GAB2: variants seen among roughly 807,000 people sequenced by gnomAD.
The protein encoded by GAB2 is GRB2-associated-binding protein 2.
In GAB2, 26 loss-of-function variants were observed where a neutral mutation model predicts 65.5. The observed-to-expected ratio is 0.40, with a 90% confidence interval of 0.29 to 0.55. The LOEUF (loss-of-function observed/expected upper bound fraction) is 0.55, where lower values mean the gene tolerates loss of function less well. Ranked by LOEUF, GAB2 falls within the 20% of genes least tolerant of loss-of-function variation. GAB2 has a pLI of 0.53. For synonymous variants in GAB2, 321 were observed against 329.6 expected, an observed-to-expected ratio of 0.97 and a Z score of 0.28; for missense variants, 884 against 875.8, an observed-to-expected ratio of 1.01 and a Z score of -0.12.
chr11:78,379,948 A>G (rs1483317967), intron 1 of GAB2, among the ~76,000 whole-genome samples: 1 of 152,238 alleles, frequency 6.6e-6, no homozygotes, highest in East Asian at 1.9e-4. Context: ...TGCACCATCA[A>G]TACTCTTGAT....
At chr11:78,409,744 T>TTA (rs1405247101) in intron 1 of GAB2, among the ~76,000 whole-genome samples, 1 of 152,138 alleles carries the variant, frequency 6.6e-6, no homozygotes, top group Non-Finnish European at 1.5e-5. Context: ...TATAAAAGAA[T>TTA]TATATATATC....
chr11:78,275,792 C>A lies in GAB2; in HGVS notation c.376+4809G>T, dbSNP rs149607864. Among the ~76,000 whole-genome samples, 218 of 152,032 alleles carry A rather than the reference C, an allele frequency of 1.4e-3. 1 individual carries two copies. The highest frequency in any genetic ancestry group is 2.9e-3 in the Non-Finnish European group (195 of 67,982). Reference sequence around the variant, plus strand: ...CACTAAAACACACACAGATATATATCTATATATCTATATCTATATATATGA... The same window carrying A: ...CACTAAAACACACACAGATATATATATATATATCTATATCTATATATATGA... On this transcript the variant is annotated intron_variant, in intron 2 of 9. Coordinates refer to ENST00000361507, the MANE Select transcript of GAB2 (RefSeq NM_080491.3).
intron 1 of GAB2, among the ~76,000 whole-genome samples, chr11:78,358,239 G>A (rs555834414): frequency 7.0e-6 from 1 of 143,506 alleles, no homozygotes; most frequent in South Asian, 2.3e-4. Flanking sequence ...GGTGGGAATT[G>A]AACAATGAGA....
chr11:78,355,981 T>A (rs1856353463), intron 1 of GAB2, among the ~76,000 whole-genome samples: 1 of 151,958 alleles, frequency 6.6e-6, no homozygotes, highest in Admixed American at 6.6e-5. Flanking sequence ...AAGACCAGAC[T>A]GGCCAACATG....
At chr11:78,219,574 A>G (rs1047339066) in intron 9 of GAB2, among the ~76,000 whole-genome samples, 159 bp from the exon 10 acceptor site, 5 of 151,908 alleles carry the variant, frequency 3.3e-5, no homozygotes, top group African/African-American at 1.2e-4. Context: ...TCTCTTTCTG[A>G]ATGTGGGCTT....
At chr11:78,240,730 C>A (rs1865110642) in intron 3 of GAB2, among the ~76,000 whole-genome samples, 4 of 151,488 alleles carry the variant, frequency 2.6e-5, no homozygotes, top group Admixed American at 1.3e-4. Flanking sequence ...GAAACCAAAC[C>A]TCCAGAACAT....
chr11:78,256,628 C>A (rs1339622296), intron 2 of GAB2, among the ~76,000 whole-genome samples: 1 of 152,162 alleles, frequency 6.6e-6, no homozygotes, highest in African/African-American at 2.4e-5. Flanking sequence ...TGTGTGGTCG[C>A]TGAGCTTTAA....
intron 2 of GAB2, among the ~76,000 whole-genome samples, chr11:78,278,627 C>A (rs1866242998): frequency 6.6e-6 from 1 of 152,102 alleles, no homozygotes; most frequent in Non-Finnish European, 1.5e-5. Context: ...GATCTGCCTG[C>A]CTCAGCCTCC....
chr11:78,275,227 C>G (rs1308818857), intron 2 of GAB2, among the ~76,000 whole-genome samples: 1 of 152,052 alleles, frequency 6.6e-6, no homozygotes, highest in Non-Finnish European at 1.5e-5. Context: ...CCTTCTGAAC[C>G]CAGCCAAGGA....
At chr11:78,268,217 A>C (rs1417371074) in intron 2 of GAB2, among the ~76,000 whole-genome samples, 3 of 152,210 alleles carry the variant, frequency 2.0e-5, no homozygotes, top group African/African-American at 7.2e-5. Context: ...CAATGCTTTA[A>C]AAAAGGTTTG....
intron 3 of GAB2, among the ~76,000 whole-genome samples, chr11:78,227,631 C>CAAAAAA (rs55716895): frequency 1.0e-3 from 109 of 106,100 alleles, no homozygotes; most frequent in African/African-American, 3.3e-3. Context: ...CCATTGCCAC[C>CAAAAAA]AAAAAAAAAA....
intron 1 of GAB2, among the ~76,000 whole-genome samples, chr11:78,394,569 G>A (rs890696797): frequency 1.3e-4 from 20 of 152,212 alleles, no homozygotes; most frequent in Admixed American, 1.2e-3. Flanking sequence ...AAAGTGTAAT[G>A]TCTTGTGAAT....
intron 1 of GAB2, among the ~76,000 whole-genome samples, chr11:78,405,737 CAAGG>C (rs1391355154): frequency 6.6e-6 from 1 of 152,088 alleles, no homozygotes. Flanking sequence ...CCCTGGAACC[CAAGG>C]AATGACACAG....
chr11:78,402,799 T>G (rs1856991719), intron 1 of GAB2, among the ~76,000 whole-genome samples: 1 of 152,062 alleles, frequency 6.6e-6, no homozygotes, highest in African/African-American at 2.4e-5. Flanking sequence ...AAGAATCATC[T>G]TATTACAATG....
At chr11:78,331,100 G>T (rs571110266) in intron 1 of GAB2, among the ~76,000 whole-genome samples, 1 of 151,896 alleles carries the variant, frequency 6.6e-6, no homozygotes, top group Non-Finnish European at 1.5e-5. Flanking sequence ...GCATGAACCC[G>T]GGAGGTGGAG....
At chr11:78,354,906 G>C (rs1262742328) in intron 1 of GAB2, among the ~76,000 whole-genome samples, 1 of 152,148 alleles carries the variant, frequency 6.6e-6, no homozygotes, top group African/African-American at 2.4e-5. Flanking sequence ...TACCATAATG[G>C]AACACATGCG....
intron 1 of GAB2, among the ~76,000 whole-genome samples, chr11:78,290,111 A>T (rs1376391801): frequency 6.6e-6 from 1 of 152,108 alleles, no homozygotes; most frequent in East Asian, 1.9e-4. Context: ...CCAGAAAAAT[A>T]AAAAATAAGA....
intron 1 of GAB2, among the ~76,000 whole-genome samples, chr11:78,355,916 T>G (rs184115967): frequency 1.6e-4 from 24 of 151,894 alleles, no homozygotes; most frequent in African/African-American, 5.8e-4. Context: ...CTCATGCCTG[T>G]AATCCCAGCC....
chr11:78,328,941 C>G (rs1010009535), intron 1 of GAB2, among the ~76,000 whole-genome samples: 2 of 152,098 alleles, frequency 1.3e-5, no homozygotes, highest in Non-Finnish European at 2.9e-5. Context: ...AAGAAAAATA[C>G]TCAACAGATG....
Sources: gnomAD v4.1 joint callset for allele counts (sites outside exome capture counted in the v4.1 genomes callset) on GRCh38, gnomAD v4.1.1 for gene constraint, MANE v1.5 for transcripts, NCBI Gene and HGNC (gene_info 2026-07-23, HGNC 2026-07-21) for gene names.